IL17RB: variants seen among roughly 807,000 people sequenced by gnomAD.
IL17RB encodes interleukin-17 receptor B.
In IL17RB, 36 loss-of-function variants were observed where a neutral mutation model predicts 43.9. The ratio of observed to expected loss-of-function variants is 0.82; its 90% CI spans 0.63 to 1.08. The LOEUF (loss-of-function observed/expected upper bound fraction) is 1.08. Among genes scored for constraint, IL17RB ranks in the 50% least tolerant of loss-of-function variants. IL17RB has a pLI of 0.00. For missense variants in IL17RB, 613 were observed against 613.6 expected, an observed-to-expected ratio of 1.00 and a Z score of 0.01; for synonymous variants, 225 against 225.4, an observed-to-expected ratio of 1.00 and a Z score of 0.02.
Position 53,858,784 on chromosome 3 carries a change from C to T in IL17RB, c.813C>T (p.Cys271=). The T allele has an allele frequency of 6.2e-7, 1 of 1,614,108 alleles. No homozygotes were observed. The highest frequency in any genetic ancestry group is 1.1e-5 in the South Asian group (1 of 91,078). Residue 271 remains cysteine (C), a synonymous_variant, in exon 9 of 11, where the codon TGC becomes TGT. Coordinates refer to ENST00000288167, the MANE Select transcript of IL17RB (RefSeq NM_018725.4). The part of the protein sequence containing the change: ...CIRHKGTVVL[C]PQTGVPFPLD... ...GACATAAAGGAACAGTTGTGCTCTG[C>T]CCACAAACAGGCGTCCCTTTCCCTC...
intron 2 of IL17RB, among the ~76,000 whole-genome samples, chr3:53,849,166 C>T (rs532523773): frequency 4.6e-5 from 7 of 152,306 alleles, no homozygotes; most frequent in African/African-American, 1.2e-4. Context: ...GGCCAGCTGG[C>T]TGGAATCCAG....
At chr3:53,849,630 T>A (rs377122152) in intron 2 of IL17RB, 25 bp from the exon 3 acceptor site, 7 of 1,579,458 alleles carry the variant, frequency 4.4e-6, no homozygotes, top group Non-Finnish European at 6.0e-6. Flanking sequence ...AAAGACAGTG[T>A]CATGGAAGTC....
intron 5 of IL17RB, 81 bp downstream of exon 5, chr3:53,853,078 C>A: frequency 6.4e-7 from 1 of 1,552,360 alleles, no homozygotes; most frequent in Non-Finnish European, 8.9e-7. Context: ...GCCCAGGGAA[C>A]CCTGGATAAG....
chr3:53,860,477 T>C (rs1274203427), intron 10 of IL17RB: 3 of 345,440 alleles, frequency 8.7e-6, no homozygotes, highest in African/African-American at 6.2e-5. Context: ...CATTGAGCCT[T>C]CTACCAGTAC....
chr3:53,857,827 C>A, intron 8 of IL17RB, 137 bp downstream of exon 8: 1 of 765,226 alleles, frequency 1.3e-6, no homozygotes, highest in South Asian at 1.6e-5. Flanking sequence ...TTCATGGGGG[C>A]TCTTTCGCTG....
Position 53,849,781 on chromosome 3 carries a change from T to TA in IL17RB, c.213dup (p.Leu72ThrfsTer47). 1 of 1,601,300 alleles carries TA rather than the reference T, an allele frequency of 6.2e-7. No homozygotes were observed. Among genetic ancestry groups the TA allele is most frequent in the Non-Finnish European group, 8.5e-7 (1 of 1,171,918 alleles). ...TCAATTTTGATGAATGTAAGCTGGGTACTCCGGGCAGATGGTAAGTTTGCA... is the reference window on the plus strand; with the variant it reads ...TCAATTTTGATGAATGTAAGCTGGGTAACTCCGGGCAGATGGTAAGTTTGCA... On this transcript the variant is annotated frameshift_variant, in exon 3 of 11. Transcript: ENST00000288167. LOFTEE classifies it high-confidence loss of function.
chr3:53,846,751 A>G, intron 1 of IL17RB, 103 bp downstream of exon 1: 2 of 1,277,876 alleles, frequency 1.6e-6, no homozygotes, highest in Non-Finnish European at 2.1e-6. Context: ...GCGTGCGCGG[A>G]CTGCCGGCTC....
At chr3:53,848,378 G>A (rs1299352636) in intron 1 of IL17RB, among the ~76,000 whole-genome samples, 3 of 152,244 alleles carry the variant, frequency 2.0e-5, no homozygotes, top group Non-Finnish European at 4.4e-5. Flanking sequence ...CAGCAGGGAA[G>A]GATGACATCC....
At chr3:53,864,699 C>A in intron 10 of IL17RB, 47 bp from the exon 11 acceptor site, 1 of 1,378,426 alleles carries the variant, frequency 7.3e-7, no homozygotes, top group Non-Finnish European at 1.0e-6. Context: ...GAGTGAAAGC[C>A]TGCTGTTTGC....
rs574449845 is a variant in IL17RB, at chr3:53,849,564, G to A, written c.86-91G>A. 2.6e-6 allele frequency: 3 copies of A among 1,154,094 alleles called. No homozygotes were observed. In the South Asian group the frequency reaches 7.2e-5, roughly 28 times the overall value. 71.5% of individuals were successfully genotyped at this position (1,154,094 alleles called of 1,614,324 possible). On this transcript the variant is annotated intron_variant, in intron 2 of 10. Transcript: ENST00000288167. ...AAAGAAGTGAGGAATTGTGAATGGG[G>A]GAAGGTTTGGTGTGAGTCACTGAGA... is the stretch of plus-strand genomic sequence containing the variant.
chr3:53,852,582 G>T (rs1235477964), intron 4 of IL17RB, among the ~76,000 whole-genome samples: 1 of 152,142 alleles, frequency 6.6e-6, no homozygotes. Context: ...CCCATTTTCG[G>T]CTACTTCTCT....
intron 5 of IL17RB, 121 bp downstream of exon 5, chr3:53,853,118 T>G: frequency 8.9e-7 from 1 of 1,118,714 alleles, no homozygotes; most frequent in Non-Finnish European, 1.3e-6. Context: ...CTCAGTTCCC[T>G]TATCTAAAGC....
At chr3:53,854,373 A>C (rs1699261115) in intron 5 of IL17RB, among the ~76,000 whole-genome samples, 1 of 152,190 alleles carries the variant, frequency 6.6e-6, no homozygotes, top group Admixed American at 6.5e-5. Flanking sequence ...TTTGGACTTC[A>C]CCTGCTTTTT....
Position 53,865,461 on chromosome 3 carries a change from C to T in IL17RB, c.*153C>T. 2 of 572,302 alleles carry T rather than the reference C, an allele frequency of 3.5e-6. No homozygotes were observed. Among genetic ancestry groups the T allele is most frequent in the Non-Finnish European group, 5.9e-6 (2 of 336,328 alleles). The allele number at this position is 572,302 out of a possible 1,614,324, so 35.5% of individuals were successfully genotyped here. A position where few individuals can be genotyped will look rare whatever the true frequency, so the allele number is the denominator to read the frequency against. On this transcript the variant is annotated 3_prime_UTR_variant, in exon 11 of 11. Transcript: ENST00000288167. ...CAATAAAATTTTCAAATATTGCTAA[C>T]TAATGTAGCATTAACTAACGATTGG...
At position 53,864,902 on chromosome 3, in the gene IL17RB, G is replaced by A; in HGVS notation, c.1103G>A (p.Trp368Ter). Reference sequence around the variant, plus strand: ...AGAAGTGAGGTCATCCTTGAAAAGTGGCAGAAAAAGAAAATAGCAGAGATG... The same window carrying A: ...AGAAGTGAGGTCATCCTTGAAAAGTAGCAGAAAAAGAAAATAGCAGAGATG... Reference protein sequence around the residue: ...HCRSEVILEKWQKKKIAEMGP... With the variant: ...HCRSEVILEK The change falls in exon 11 of 11, where the codon TGG (tryptophan) becomes TAG (stop). Residue 368 changes from tryptophan to a stop codon, truncating the protein, a stop_gained. Transcript: ENST00000288167. LOFTEE classifies it low-confidence loss of function (END_TRUNC). 1 of 1,614,170 alleles carries A rather than the reference G, an allele frequency of 6.2e-7. No homozygotes were observed. Among genetic ancestry groups the A allele is most frequent in the Non-Finnish European group, 8.5e-7 (1 of 1,180,042 alleles).
At position 53,865,287 on chromosome 3, in the gene IL17RB, C is replaced by T. The variant is rs142187324; in HGVS notation, c.1488C>T (p.His496=). The T allele has an allele frequency of 1.4e-5, 23 of 1,606,714 alleles. No homozygotes were observed. The East Asian group carries it at 2.7e-4, about 19-fold the overall frequency. ...CAGGAAAAAGATCACAAGCCTGCCA[C>T]GATGGCTGCTGCTCCTTGTAGCCCA... The part of the protein sequence containing the change: ...VSAGKRSQAC[H]DGCCSL Residue 496 remains histidine, a synonymous_variant, in exon 11 of 11, where the codon CAC becomes CAT. Transcript: ENST00000288167.
chr3:53,858,692 C>T, intron 8 of IL17RB, 27 bp from the exon 9 acceptor site: 1 of 1,611,830 alleles, frequency 6.2e-7, no homozygotes, highest in South Asian at 1.1e-5. Flanking sequence ...ATGGTGTGAA[C>T]TTTCTGAGCC....
intron 10 of IL17RB, 124 bp from the exon 11 acceptor site, chr3:53,864,622 C>T: frequency 1.4e-6 from 1 of 733,460 alleles, no homozygotes; most frequent in South Asian, 1.7e-5. Context: ...CTTGCTGTCA[C>T]TAACAAGGCC....
At position 53,865,297 on chromosome 3, in the gene IL17RB, T is replaced by C. The variant is rs1484764563; in HGVS notation, c.1498T>C (p.Cys500Arg). Residue 500 changes from cysteine to arginine, a missense_variant, in exon 11 of 11, where the codon TGC becomes CGC. Cys to Arg is a radical substitution (Grantham distance 180). Transcript: ENST00000288167. ...ATCACAAGCCTGCCACGATGGCTGC[T>C]GCTCCTTGTAGCCCACCCATGAGAA... ...KRSQACHDGCCSL is the reference protein window; with the variant it reads ...KRSQACHDGCRSL The C allele has an allele frequency of 6.2e-7, 1 of 1,604,150 alleles. No homozygotes were observed. Among genetic ancestry groups the C allele is most frequent in the African/African-American group, 1.3e-5 (1 of 75,038 alleles).
Sources: allele counts gnomAD v4.1 joint callset (sites outside exome capture counted in the v4.1 genomes callset), GRCh38; gene constraint gnomAD v4.1.1; transcripts MANE v1.5; gene names NCBI Gene and HGNC (gene_info 2026-07-23, HGNC 2026-07-21).